MACROD2: variants seen among roughly 807,000 people sequenced by gnomAD.
MACROD2 encodes mono-ADP ribosylhydrolase 2.
A neutral mutation model predicts 70.4 loss-of-function variants in MACROD2; 36 were observed. That is an observed-to-expected ratio of 0.51 (90% CI 0.39 to 0.68). The LOEUF (loss-of-function observed/expected upper bound fraction) is 0.68, where lower values mean the gene tolerates loss of function less well. Among genes scored for constraint, MACROD2 ranks in the 30% least tolerant of loss-of-function variants. The pLI is 0.00. For missense variants in MACROD2, 496 were observed against 538.4 expected, an observed-to-expected ratio of 0.92 and a Z score of 0.78; for synonymous variants, 172 against 178.8, an observed-to-expected ratio of 0.96 and a Z score of 0.30.
intron 3 of MACROD2, among the ~76,000 whole-genome samples, chr20:14,289,895 C>A (rs1468710110): frequency 6.6e-6 from 1 of 152,058 alleles, no homozygotes; most frequent in African/African-American, 2.4e-5. Flanking sequence ...TATTTTTGAC[C>A]TAAACAAATA....
chr20:14,586,263 G>A (rs1283595462), intron 4 of MACROD2, among the ~76,000 whole-genome samples: 1 of 152,008 alleles, frequency 6.6e-6, no homozygotes, highest in Admixed American at 6.6e-5. Context: ...GTGTATGTGT[G>A]TGTGTACAAT....
At chr20:14,285,190 G>T (rs538773936) in intron 3 of MACROD2, among the ~76,000 whole-genome samples, 26 of 152,200 alleles carry the variant, frequency 1.7e-4, no homozygotes, top group African/African-American at 6.3e-4. Context: ...TCTGATTTTG[G>T]AATATCTGGT....
chr20:14,372,716 T>G (rs2083337352), intron 3 of MACROD2, among the ~76,000 whole-genome samples: 1 of 151,854 alleles, frequency 6.6e-6, no homozygotes, highest in African/African-American at 2.4e-5. Context: ...CACATTCCTG[T>G]TTTTTTTGGA....
At chr20:14,252,564 T>C (rs1224567260) in intron 3 of MACROD2, among the ~76,000 whole-genome samples, 5 of 152,056 alleles carry the variant, frequency 3.3e-5, no homozygotes, top group African/African-American at 1.2e-4. Flanking sequence ...TATAGCTTCA[T>C]GAAGACAAGA....
chr20:14,333,598 C>T (rs1421364253), intron 3 of MACROD2, among the ~76,000 whole-genome samples: 7 of 152,108 alleles, frequency 4.6e-5, no homozygotes, highest in East Asian at 1.9e-4. Context: ...TGTTAAACCA[C>T]GTTTTACCAT....
At chr20:14,221,707 TGAGA>T (rs2081675982) in intron 3 of MACROD2, among the ~76,000 whole-genome samples, 1 of 152,104 alleles carries the variant, frequency 6.6e-6, no homozygotes, top group Non-Finnish European at 1.5e-5. Context: ...AACCACAGAA[TGAGA>T]GAAAGTATTT....
At chr20:14,384,631 A>C (rs2083453225) in intron 3 of MACROD2, among the ~76,000 whole-genome samples, 1 of 152,192 alleles carries the variant, frequency 6.6e-6, no homozygotes, top group Non-Finnish European at 1.5e-5. Flanking sequence ...GAGCAAGTGG[A>C]TGTAATCTGT....
At chr20:14,972,382 C>T (rs1327422742) in intron 5 of MACROD2, among the ~76,000 whole-genome samples, 3 of 152,212 alleles carry the variant, frequency 2.0e-5, no homozygotes, top group Non-Finnish European at 4.4e-5. Flanking sequence ...CTTTCTCACT[C>T]TCTTTCTCTC....
intron 8 of MACROD2, among the ~76,000 whole-genome samples, chr20:15,752,200 A>G (rs756359046): frequency 6.6e-5 from 10 of 152,084 alleles, no homozygotes; most frequent in Non-Finnish European, 7.4e-5. Context: ...CTGAACTCAA[A>G]GCTGCTTAGG....
At chr20:14,269,002 A>G (rs1266118213) in intron 3 of MACROD2, among the ~76,000 whole-genome samples, 1 of 152,188 alleles carries the variant, frequency 6.6e-6, no homozygotes, top group Non-Finnish European at 1.5e-5. Flanking sequence ...CAGGGACTTG[A>G]GCACATTACT....
At position 16,052,527 on chromosome 20, in the gene MACROD2, T is replaced by C. The variant is rs910865392; in HGVS notation, c.*2651T>C. The C allele has an allele frequency of 2.0e-5, 3 of 152,582 alleles. No homozygotes were observed. Among genetic ancestry groups the C allele is most frequent in the African/African-American group, 7.2e-5 (3 of 41,454 alleles). The allele number at this position is 152,582 out of a possible 1,614,324, so 9.5% of individuals were successfully genotyped here. A position where few individuals can be genotyped will look rare whatever the true frequency, so the allele number is the denominator to read the frequency against. ...TAGGCCTTCACCATAATAGTTCTAA[T>C]TAAAATGGTCCTCGCTGTAGGAGAG... On this transcript the variant is annotated 3_prime_UTR_variant, in exon 18 of 18. Coordinates refer to ENST00000684519, the MANE Select transcript of MACROD2 (RefSeq NM_001351661.2).
At chr20:14,498,299 A>G (rs1049028219) in intron 4 of MACROD2, among the ~76,000 whole-genome samples, 1 of 148,664 alleles carries the variant, frequency 6.7e-6, no homozygotes, top group African/African-American at 2.6e-5. Flanking sequence ...AATAAAAAAA[A>G]AGAAAAAAAG....
At chr20:14,141,745 C>G (rs2054876891) in intron 3 of MACROD2, among the ~76,000 whole-genome samples, 1 of 21,106 alleles carries the variant, frequency 4.7e-5, no homozygotes, top group Admixed American at 8.7e-4. Flanking sequence ...AACTCCATCT[C>G]AGAAAAAAAA....
At chr20:14,607,221 C>A (rs1982862615) in intron 4 of MACROD2, among the ~76,000 whole-genome samples, 1 of 152,110 alleles carries the variant, frequency 6.6e-6, no homozygotes, top group Non-Finnish European at 1.5e-5. Context: ...TCTCTTCCAG[C>A]CCTGGGTTCC....
At chr20:14,426,565 A>G (rs923989229) in intron 3 of MACROD2, among the ~76,000 whole-genome samples, 1 of 152,174 alleles carries the variant, frequency 6.6e-6, no homozygotes, top group African/African-American at 2.4e-5. Context: ...GGTGTGGGAC[A>G]AAGTAGCTCG....
chr20:14,529,690 A>G (rs2085278768), intron 4 of MACROD2, among the ~76,000 whole-genome samples: 1 of 151,908 alleles, frequency 6.6e-6, no homozygotes, highest in Non-Finnish European at 1.5e-5. Flanking sequence ...CCAGAGGCAC[A>G]TAGTCATTCA....
intron 3 of MACROD2, among the ~76,000 whole-genome samples, chr20:14,158,147 GT>G (rs1045233784): frequency 5.3e-5 from 8 of 152,066 alleles, no homozygotes; most frequent in African/African-American, 1.7e-4. Context: ...GTATCTCATT[GT>G]GGTTTTGATT....
At chr20:14,445,045 T>TG (rs1465782983) in intron 3 of MACROD2, among the ~76,000 whole-genome samples, 1 of 152,064 alleles carries the variant, frequency 6.6e-6, no homozygotes, top group Non-Finnish European at 1.5e-5. Flanking sequence ...GCAGCCAATG[T>TG]GGTCTTGTTA....
chr20:15,494,776 T>TGTGTGTGC (rs368522802), intron 7 of MACROD2, among the ~76,000 whole-genome samples: 61 of 131,976 alleles, frequency 4.6e-4, no homozygotes, highest in Admixed American at 2.2e-3. Context: ...CGTGTGTGTG[T>TGTGTGTGC]GCGCGCGTGT....
Sources: allele counts gnomAD v4.1 joint callset (sites outside exome capture counted in the v4.1 genomes callset), GRCh38; gene constraint gnomAD v4.1.1; transcripts MANE v1.5; gene names NCBI Gene and HGNC (gene_info 2026-07-23, HGNC 2026-07-21).